Variants in LRRFIP2 observed in about 807,000 individuals in gnomAD.
The protein encoded by LRRFIP2 is leucine-rich repeat flightless-interacting protein 2.
LRRFIP2 carries 109 observed loss-of-function variants against 125.9 expected under a neutral mutation model. The observed-to-expected ratio is 0.87, with a 90% confidence interval of 0.74 to 1.01. LRRFIP2 has a LOEUF of 1.01. Ranked by LOEUF, LRRFIP2 falls within the 50% of genes least tolerant of loss-of-function variation. LRRFIP2 has a pLI of 0.00. For synonymous variants in LRRFIP2, 291 were observed against 293.1 expected, an observed-to-expected ratio of 0.99 and a Z score of 0.07; for missense variants, 850 against 862.3, an observed-to-expected ratio of 0.99 and a Z score of 0.18.
At chr3:37,170,558 A>C (rs1208028763) in intron 1 of LRRFIP2, 2 of 152,254 alleles carry the variant, frequency 1.3e-5, no homozygotes, top group Non-Finnish European at 2.9e-5. Context: ...ATCCTGTAGC[A>C]TAGTCCATTA....
chr3:37,074,714 C>T (rs1275341458), intron 20 of LRRFIP2, among the ~76,000 whole-genome samples: 2 of 152,174 alleles, frequency 1.3e-5, no homozygotes, highest in African/African-American at 2.4e-5. Flanking sequence ...ATGGCATTCA[C>T]TAATTCCAAA....
At chr3:37,083,114 C>T (rs997484712) in intron 19 of LRRFIP2, among the ~76,000 whole-genome samples, 30 of 152,164 alleles carry the variant, frequency 2.0e-4, no homozygotes, top group South Asian at 8.3e-4. Context: ...TCCATCTGTA[C>T]ATTTTAACAT....
At chr3:37,131,378 G>A (rs2095424592) in intron 2 of LRRFIP2, among the ~76,000 whole-genome samples, 1 of 151,974 alleles carries the variant, frequency 6.6e-6, no homozygotes, top group African/African-American at 2.4e-5. Context: ...GCTTTATTAT[G>A]TTGTATTAAA....
intron 2 of LRRFIP2, among the ~76,000 whole-genome samples, chr3:37,137,914 A>T (rs1377904494): frequency 1.3e-5 from 2 of 152,154 alleles, no homozygotes; most frequent in Non-Finnish European, 2.9e-5. Flanking sequence ...CTACTTCCTT[A>T]ACAAATCTTC....
chr3:37,054,516 CTG>C lies in LRRFIP2; in HGVS notation c.1951-3_1951-2del. On this transcript the variant is annotated splice_acceptor_variant and splice_polypyrimidine_tract_variant and intron_variant, in intron 26 of 27. Transcript: ENST00000336686. LOFTEE classifies it high-confidence loss of function. ...GAACCTGTCCCTCAAGCCGGCTAAT[CTG>C]TAAGTATGAGAACATAGGCCTCTAG... The C allele has an allele frequency of 6.2e-7, 1 of 1,611,062 alleles. No individual in the cohort carries two copies. The highest frequency in any genetic ancestry group is 8.5e-7 in the Non-Finnish European group (1 of 1,177,584).
rs2094724430 is a variant in LRRFIP2 at position 37,115,215 on chromosome 3, T to G, written c.331-120A>C. ...GCACTATTTTAAAATAAAAAATTAT[T>G]AAACATGAAAGCTAATCCAGTTGAA... On this transcript the variant is annotated intron_variant, in intron 6 of 27. Transcript: ENST00000336686. The G allele has an allele frequency of 7.6e-6, 5 of 654,994 alleles. No individual in the cohort carries two copies. In the Admixed American group the frequency reaches 1.3e-4, roughly 17 times the overall value. 40.6% of individuals were successfully genotyped at this position (654,994 alleles called of 1,614,324 possible). A position where few individuals can be genotyped will look rare whatever the true frequency, so the allele number is the denominator to read the frequency against.
chr3:37,067,806 A>G (rs776811359), intron 21 of LRRFIP2: 3 of 152,194 alleles, frequency 2.0e-5, no homozygotes, highest in African/African-American at 7.2e-5. Context: ...CAGTGGTTAT[A>G]TTTTTTCGCC....
chr3:37,106,652 T>C (rs879624484), intron 13 of LRRFIP2, among the ~76,000 whole-genome samples: 2 of 151,792 alleles, frequency 1.3e-5, no homozygotes, highest in African/African-American at 2.4e-5. Flanking sequence ...TAAATAAAAA[T>C]TAAAATTAGG....
At chr3:37,083,134 T>C (rs1044107075) in intron 19 of LRRFIP2, among the ~76,000 whole-genome samples, 4 of 152,186 alleles carry the variant, frequency 2.6e-5, no homozygotes, top group Admixed American at 2.0e-4. Flanking sequence ...TTACAACTTA[T>C]AAACCTCTAA....
Position 37,053,067 on chromosome 3 carries a change from GC to G in LRRFIP2, c.*783del, listed in dbSNP as rs1332124391. 6.6e-6 allele frequency: 1 copy of G among 152,462 alleles called. No homozygotes were observed. The highest frequency in any genetic ancestry group is 1.5e-5 in the Non-Finnish European group (1 of 68,014). 9.4% of individuals were successfully genotyped at this position (152,462 alleles called of 1,614,324 possible). A position where few individuals can be genotyped will look rare whatever the true frequency, so the allele number is the denominator to read the frequency against. On this transcript the variant is annotated 3_prime_UTR_variant, in exon 28 of 28. Coordinates refer to ENST00000336686, the MANE Select transcript of LRRFIP2 (RefSeq NM_006309.4). ...GGCAGATTTCCAATCTGCCTGCCCTGCCCTACCCTCCCCCTTTGGGTTTGTT... is the reference window on the plus strand; with the variant it reads ...GGCAGATTTCCAATCTGCCTGCCCTGCCTACCCTCCCCCTTTGGGTTTGTT...
intron 14 of LRRFIP2, among the ~76,000 whole-genome samples, chr3:37,104,256 T>A (rs2094208642): frequency 6.6e-6 from 1 of 152,126 alleles, no homozygotes; most frequent in Non-Finnish European, 1.5e-5. Context: ...AGTATTAACA[T>A]CCCCAATGTA....
chr3:37,132,229 C>A (rs1353025549), intron 2 of LRRFIP2, among the ~76,000 whole-genome samples: 2 of 151,922 alleles, frequency 1.3e-5, no homozygotes, highest in Admixed American at 6.6e-5. Flanking sequence ...AACTTTCAAA[C>A]CTTTTTAAGA....
rs115048197 is a variant in LRRFIP2, at chr3:37,134,861, A to G, written c.91-5712T>C. On this transcript the variant is annotated intron_variant, in intron 2 of 27. Transcript: ENST00000336686. ...GCTCCTTCAAACCACCTAAGGTTGC[A>G]TGTACAACAAGGATTTGTCATCCAA... The G allele has an allele frequency of 1.1e-3, 1,236 of 1,171,074 alleles. 10 individuals carry two copies. In the African/African-American group the frequency reaches 0.016, roughly 15 times the overall value. The allele number at this position is 1,171,074 out of a possible 1,614,324, so 72.5% of individuals were successfully genotyped here.
Position 37,121,547 on chromosome 3 carries a change from TG to T in LRRFIP2, c.286-12del, listed in dbSNP as rs761809955. The T allele has an allele frequency of 6.2e-7, 1 of 1,612,996 alleles. No homozygotes were observed. The highest frequency in any genetic ancestry group is 1.3e-5 in the African/African-American group (1 of 74,986). On this transcript the variant is annotated splice_polypyrimidine_tract_variant and intron_variant, in intron 5 of 27. Coordinates refer to ENST00000336686, the MANE Select transcript of LRRFIP2 (RefSeq NM_006309.4). The stretch of plus-strand genomic sequence containing the variant: ...TGCATCCTCAACTCCCTGATAAAAA[TG>T]AAAATAAACACAGTAAAAGTTTGTG...
chr3:37,165,013 A>G (rs2096441893), intron 1 of LRRFIP2, among the ~76,000 whole-genome samples: 1 of 152,112 alleles, frequency 6.6e-6, no homozygotes, highest in Non-Finnish European at 1.5e-5. Flanking sequence ...AGGCTGGCAG[A>G]TCACGAGGTC....
chr3:37,078,609 T>G (rs974021361), intron 19 of LRRFIP2, among the ~76,000 whole-genome samples: 1 of 151,960 alleles, frequency 6.6e-6, no homozygotes, highest in East Asian at 1.9e-4. Flanking sequence ...ATTTTGTTGT[T>G]AAAAACAAAA....
intron 2 of LRRFIP2, chr3:37,143,373 A>C (rs2095767913): frequency 6.4e-6 from 1 of 156,528 alleles, no homozygotes; most frequent in African/African-American, 2.4e-5. Flanking sequence ...GGACTGGGAC[A>C]ATCCAGGGGA....
Position 37,136,147 on chromosome 3 carries a change from C to A in LRRFIP2, c.91-6998G>T, listed in dbSNP as rs113194701. On this transcript the variant is annotated intron_variant, in intron 2 of 27. Transcript: ENST00000336686. The stretch of plus-strand genomic sequence containing the variant: ...TGATACAGGATGCAACATGAATGAA[C>A]CTTGAAAACATTTTGCTAAGTCAAA... Among the ~76,000 whole-genome samples the A allele has an allele frequency of 4.6e-5, 7 of 152,238 alleles. 1 individual carries two copies. Among genetic ancestry groups the A allele is most frequent in the African/African-American group, 1.7e-4 (7 of 41,552 alleles).
intron 18 of LRRFIP2, among the ~76,000 whole-genome samples, chr3:37,085,841 C>CA (rs1383923150): frequency 3.9e-5 from 6 of 152,122 alleles, no homozygotes; most frequent in African/African-American, 1.4e-4. Flanking sequence ...CTCCGCCTCC[C>CA]AAAGTGCTGG....
Sources: gnomAD v4.1 joint callset for allele counts (sites outside exome capture counted in the v4.1 genomes callset) on GRCh38, gnomAD v4.1.1 for gene constraint, MANE v1.5 for transcripts, NCBI Gene and HGNC (gene_info 2026-07-23, HGNC 2026-07-21) for gene names.